The following GULP1 variants were observed in gnomAD, a reference collection of about 807,000 sequenced individuals.
The protein encoded by GULP1 is PTB domain-containing engulfment adapter protein 1.
Under a neutral mutation model 40.9 loss-of-function variants are expected in GULP1, and 19 were observed. The ratio of observed to expected loss-of-function variants is 0.46; its 90% CI spans 0.32 to 0.68. The LOEUF (loss-of-function observed/expected upper bound fraction) is 0.68, where lower values mean the gene tolerates loss of function less well. Ranked by LOEUF, GULP1 falls within the 30% of genes least tolerant of loss-of-function variation. GULP1 has a pLI of 0.03. For synonymous variants in GULP1, 119 were observed against 117.6 expected (o/e 1.01, Z -0.08); for missense variants, 312 against 362.2 (o/e 0.86, Z 1.12).
At chr2:188,532,558 C>T (rs1056219497) in intron 6 of GULP1, among the ~76,000 whole-genome samples, 1 of 151,994 alleles carries the variant, frequency 6.6e-6, no homozygotes, top group African/African-American at 2.4e-5. Flanking sequence ...TGCATTGCAA[C>T]CTTTTCTATT....
At chr2:188,542,593 T>C (rs756676770) in intron 7 of GULP1, among the ~76,000 whole-genome samples, 2 of 152,296 alleles carry the variant, frequency 1.3e-5, no homozygotes, top group Non-Finnish European at 2.9e-5. Flanking sequence ...TAATACCTTT[T>C]GTGAATTTTG....
At chr2:188,514,812 C>A (rs1397091723) in intron 4 of GULP1, among the ~76,000 whole-genome samples, 2 of 152,074 alleles carry the variant, frequency 1.3e-5, no homozygotes, top group Non-Finnish European at 1.5e-5. Context: ...AAAAAATAAA[C>A]CTTTTGGGAT....
intron 4 of GULP1, among the ~76,000 whole-genome samples, chr2:188,511,691 T>TC (rs1197632071): frequency 6.6e-6 from 1 of 152,058 alleles, no homozygotes; most frequent in Non-Finnish European, 1.5e-5. Flanking sequence ...AATTGTATTT[T>TC]AAAACAAGAG....
At chr2:188,487,384 T>G (rs1475221257) in intron 4 of GULP1, among the ~76,000 whole-genome samples, 2 of 152,056 alleles carry the variant, frequency 1.3e-5, no homozygotes, top group Non-Finnish European at 2.9e-5. Context: ...CTACCTTACT[T>G]TGCATGAGGC....
rs542353202 is a variant in GULP1 at position 188,456,775 on chromosome 2, C to T, written c.-44-20884C>T. Among the ~76,000 whole-genome samples the T allele has an allele frequency of 2.6e-5, 4 of 152,218 alleles. No homozygotes were observed. In the South Asian group the frequency reaches 8.3e-4, roughly 32 times the overall value. On this transcript the variant is annotated intron_variant, in intron 2 of 11. Coordinates refer to ENST00000409830, the MANE Select transcript of GULP1 (RefSeq NM_016315.4). ...TCTGCTGAGAGCTTGTACCGTGCAC[C>T]TGGAAAAGCCACAGACACTCATTGC...
chr2:188,568,004 C>T (rs534911355), intron 7 of GULP1, among the ~76,000 whole-genome samples: 1 of 151,956 alleles, frequency 6.6e-6, no homozygotes, highest in African/African-American at 2.4e-5. Context: ...TATTATAGCT[C>T]GTTGTTTACT....
intron 1 of GULP1, among the ~76,000 whole-genome samples, chr2:188,332,880 C>T (rs977217917): frequency 2.0e-5 from 3 of 152,102 alleles, no homozygotes; most frequent in Admixed American, 1.3e-4. Flanking sequence ...CTCAATTTTG[C>T]GGTAACTTAT....
At chr2:188,357,295 G>A (rs935244983) in intron 1 of GULP1, among the ~76,000 whole-genome samples, 26 of 152,116 alleles carry the variant, frequency 1.7e-4, no homozygotes, top group Admixed American at 6.6e-5. Flanking sequence ...GAAAATATTT[G>A]CAAACTATTC....
At chr2:188,555,997 G>C (rs192458865) in intron 7 of GULP1, among the ~76,000 whole-genome samples, 8 of 151,574 alleles carry the variant, frequency 5.3e-5, no homozygotes, top group South Asian at 2.1e-4. Context: ...GACAGAGGTT[G>C]CAGTGAGCTA....
chr2:188,546,695 C>T lies in GULP1; in HGVS notation c.399+5377C>T, dbSNP rs144418050. Among the ~76,000 whole-genome samples the T allele has an allele frequency of 6.0e-3, 908 of 151,686 alleles. 5 individuals carry two copies. The highest frequency in any genetic ancestry group is 9.0e-3 in the Non-Finnish European group (613 of 67,824). Reference sequence around the variant, plus strand: ...CAAAATAAACCTCAAAGTAAGCAGACGGAAGATAAGATTAATAAGAGAAGA... The same window carrying T: ...CAAAATAAACCTCAAAGTAAGCAGATGGAAGATAAGATTAATAAGAGAAGA... On this transcript the variant is annotated intron_variant, in intron 7 of 11. Coordinates refer to ENST00000409830, the MANE Select transcript of GULP1 (RefSeq NM_016315.4).
chr2:188,543,067 C>G (rs6756264), intron 7 of GULP1, among the ~76,000 whole-genome samples: 148,021 of 152,252 alleles, frequency 0.97, 72,104 homozygotes, highest in East Asian at 1. Flanking sequence ...AAGTTTGCCA[C>G]CTTAAAAGCA....
intron 2 of GULP1, among the ~76,000 whole-genome samples, chr2:188,389,233 A>G (rs1014668199): frequency 6.6e-6 from 1 of 152,214 alleles, no homozygotes; most frequent in African/African-American, 2.4e-5. Context: ...CCTGTGTTCA[A>G]ACCTTTGCTA....
intron 1 of GULP1, among the ~76,000 whole-genome samples, chr2:188,307,002 G>A (rs576729766): frequency 2.0e-5 from 3 of 152,268 alleles, no homozygotes; most frequent in Middle Eastern, 3.4e-3. Context: ...CGTAAATCTG[G>A]ATTCTAAGTT....
intron 2 of GULP1, among the ~76,000 whole-genome samples, chr2:188,414,490 T>A (rs569212934): frequency 6.6e-6 from 1 of 152,156 alleles, no homozygotes; most frequent in Non-Finnish European, 1.5e-5. Flanking sequence ...GTAATCTTCA[T>A]TGGAAAAAAA....
intron 1 of GULP1, among the ~76,000 whole-genome samples, chr2:188,295,912 T>C (rs1428400616): frequency 6.6e-6 from 1 of 152,102 alleles, no homozygotes; most frequent in African/African-American, 2.4e-5. Context: ...CTTATTTCCA[T>C]TGATGAATGG....
At chr2:188,534,786 C>G (rs1376083171) in intron 6 of GULP1, among the ~76,000 whole-genome samples, 1 of 152,006 alleles carries the variant, frequency 6.6e-6, no homozygotes, top group Non-Finnish European at 1.5e-5. Context: ...TATCACATGA[C>G]AACCTATTAT....
chr2:188,385,324 G>A (rs116498486), intron 2 of GULP1, among the ~76,000 whole-genome samples: 2,390 of 152,232 alleles, frequency 0.016, 73 homozygotes, highest in African/African-American at 0.055. Flanking sequence ...CAACAGCCAA[G>A]CCATGCCTTG....
At chr2:188,357,275 A>G in intron 1 of GULP1, among the ~76,000 whole-genome samples, 1 of 152,216 alleles carries the variant, frequency 6.6e-6, no homozygotes, top group East Asian at 1.9e-4. Context: ...AAGACAACTT[A>G]CAGAATGGAG....
At chr2:188,369,441 A>G (rs915634746) in intron 1 of GULP1, among the ~76,000 whole-genome samples, 1 of 152,094 alleles carries the variant, frequency 6.6e-6, no homozygotes, top group Non-Finnish European at 1.5e-5. Flanking sequence ...GAGATGAACA[A>G]GACAGGAACC....
Sources: gnomAD v4.1 joint callset for allele counts (sites outside exome capture counted in the v4.1 genomes callset) on GRCh38, gnomAD v4.1.1 for gene constraint, MANE v1.5 for transcripts, NCBI Gene and HGNC (gene_info 2026-07-23, HGNC 2026-07-21) for gene names.